The following COMMD2 variants were observed in gnomAD, a reference collection of about 807,000 sequenced individuals.
The protein encoded by COMMD2 is COMM domain-containing protein 2.
COMMD2 carries 25 observed loss-of-function variants against 22.5 expected under a neutral mutation model. That is an observed-to-expected ratio of 1.11 (90% confidence interval 0.81 to 1.55). The LOEUF is 1.55. Ranked by LOEUF, COMMD2 falls within the 40% of genes most tolerant of loss-of-function variation. The pLI is 0.00. For synonymous variants in COMMD2, 98 were observed against 91.2 expected (o/e 1.07, Z -0.42); for missense variants, 223 against 232.9 (o/e 0.96, Z 0.28).
intron 4 of COMMD2, among the ~76,000 whole-genome samples, chr3:149,746,727 G>C (rs572716521): frequency 2.0e-5 from 3 of 152,282 alleles, no homozygotes; most frequent in East Asian, 3.9e-4. Context: ...AGCTTGCAGT[G>C]AGCCGAGATT....
chr3:149,752,466 C>A lies in COMMD2; in HGVS notation c.-22G>T, dbSNP rs1716564232. The A allele has an allele frequency of 3.7e-6, 6 of 1,602,962 alleles. No individual in the cohort carries two copies. Among genetic ancestry groups the A allele is most frequent in the Non-Finnish European group, 5.1e-6 (6 of 1,173,834 alleles). ...GCATCTTCACTGTCCTACGATTTCACCCGGCAGCGCCGACCCCGCCTTCGC... is the reference window on the plus strand; with the variant it reads ...GCATCTTCACTGTCCTACGATTTCAACCGGCAGCGCCGACCCCGCCTTCGC... On this transcript the variant is annotated 5_prime_UTR_variant, in exon 1 of 5. Coordinates refer to ENST00000473414, the MANE Select transcript of COMMD2 (RefSeq NM_016094.4).
rs541037295 is a variant in COMMD2, at chr3:149,751,797, C to T, written c.146-312G>A. Reference sequence around the variant, plus strand: ...AACTCGACAGGGATTGACTTAATCCCAGAGACTGCCTCTTACCCAGGGGTA... The same window carrying T: ...AACTCGACAGGGATTGACTTAATCCTAGAGACTGCCTCTTACCCAGGGGTA... On this transcript the variant is annotated intron_variant, in intron 2 of 4. Coordinates refer to ENST00000473414, the MANE Select transcript of COMMD2 (RefSeq NM_016094.4). 4.3e-5 allele frequency: 12 copies of T among 278,550 alleles called. No individual in the cohort carries two copies. The South Asian group carries it at 9.7e-4, about 22-fold the overall frequency. The allele number at this position is 278,550 out of a possible 1,614,324, so 17.3% of individuals were successfully genotyped here. A position where few individuals can be genotyped will look rare whatever the true frequency, so the allele number is the denominator to read the frequency against.
At chr3:149,745,022 A>C (rs186913616) in intron 4 of COMMD2, among the ~76,000 whole-genome samples, 224 of 152,350 alleles carry the variant, frequency 1.5e-3, no homozygotes, top group African/African-American at 5.3e-3. Flanking sequence ...AGCCAAAAAA[A>C]GAACTGTTAA....
rs1317045604 is a variant in COMMD2, at chr3:149,739,497, A to C, written c.*2024T>G. On this transcript the variant is annotated 3_prime_UTR_variant, in exon 5 of 5. Coordinates refer to ENST00000473414, the MANE Select transcript of COMMD2 (RefSeq NM_016094.4). ...GGCCAAGGCAGGTTGATAAAAATTA[A>C]AAAAGGATTAGCACATGCTTTCTTG... 6.6e-6 allele frequency: 1 copy of C among 152,202 alleles called. No individual in the cohort carries two copies. Among genetic ancestry groups the C allele is most frequent in the African/African-American group, 2.4e-5 (1 of 41,410 alleles). 9.4% of individuals were successfully genotyped at this position (152,202 alleles called of 1,614,324 possible). A position where few individuals can be genotyped will look rare whatever the true frequency, so the allele number is the denominator to read the frequency against.
intron 4 of COMMD2, chr3:149,750,311 G>C: frequency 2.6e-6 from 1 of 384,086 alleles, no homozygotes; most frequent in South Asian, 1.9e-5. Context: ...TGCTTCTGGG[G>C]TGTGAGTCAC....
At chr3:149,742,634 T>C (rs1050245155) in intron 4 of COMMD2, among the ~76,000 whole-genome samples, 2 of 151,976 alleles carry the variant, frequency 1.3e-5, no homozygotes, top group Non-Finnish European at 2.9e-5. Context: ...TTAAAAAATA[T>C]ACAGTTTGGT....
intron 4 of COMMD2, among the ~76,000 whole-genome samples, chr3:149,743,888 T>C (rs1427623246): frequency 6.6e-6 from 1 of 152,206 alleles, no homozygotes; most frequent in Non-Finnish European, 1.5e-5. Flanking sequence ...GACTTTTTTG[T>C]TGAAAGACTT....
In COMMD2 at chr3:149,752,231, T is replaced by C; in HGVS notation, c.124A>G (p.Lys42Glu). The C allele has an allele frequency of 6.2e-7, 1 of 1,614,126 alleles. No homozygotes were observed. Among genetic ancestry groups the C allele is most frequent in the Non-Finnish European group, 8.5e-7 (1 of 1,179,986 alleles). The change falls in exon 2 of 5, where the codon AAA (lysine) becomes GAA (glutamate). Residue 42 changes from lysine to glutamate, a missense_variant. Coordinates refer to ENST00000473414, the MANE Select transcript of COMMD2 (RefSeq NM_016094.4). Reference sequence around the variant, plus strand: ...TTACTGGCGGCGCCTTCGTAGATTTTTGGGTTTGCGCCGCGTCTCAGGAAT... The same window carrying C: ...TTACTGGCGGCGCCTTCGTAGATTTCTGGGTTTGCGCCGCGTCTCAGGAAT... ...VEFLRRGANP[K>E]IYEGAARKLN...
intron 4 of COMMD2, among the ~76,000 whole-genome samples, chr3:149,745,019 AAAAG>A (rs1716328400): frequency 1.3e-5 from 2 of 152,220 alleles, no homozygotes; most frequent in African/African-American, 4.8e-5. Flanking sequence ...TAAAGCCAAA[AAAAG>A]AACTGTTAAA....
rs1286802338 is a variant in COMMD2 at position 149,741,322 on chromosome 3, T to TC, written c.*198dup. 2 of 537,488 alleles carry TC rather than the reference T, an allele frequency of 3.7e-6. No homozygotes were observed. Among genetic ancestry groups the TC allele is most frequent in the Non-Finnish European group, 6.6e-6 (2 of 302,804 alleles). 33.3% of individuals were successfully genotyped at this position (537,488 alleles called of 1,614,324 possible). On this transcript the variant is annotated 3_prime_UTR_variant, in exon 5 of 5. Transcript: ENST00000473414. ...ACCTCATGATTTGCCCACCTCGGCC[T>TC]CCCAAAGTGCTGGGATAACTGGCAT...
At chr3:149,750,058 C>T (rs1310354953) in intron 4 of COMMD2, among the ~76,000 whole-genome samples, 2 of 152,160 alleles carry the variant, frequency 1.3e-5, no homozygotes, top group African/African-American at 4.8e-5. Flanking sequence ...TCTCTCTCTG[C>T]TTAATAAAGG....
chr3:149,752,004 C>A, intron 2 of COMMD2: 1 of 516,900 alleles, frequency 1.9e-6, no homozygotes, highest in Non-Finnish European at 3.4e-6. Context: ...CATGAGAAAA[C>A]TGATTTAATA....
At chr3:149,751,794 T>C (rs1249741268) in intron 2 of COMMD2, 3 of 276,808 alleles carry the variant, frequency 1.1e-5, no homozygotes, top group Non-Finnish European at 1.3e-5. Flanking sequence ...ATTGACTTAA[T>C]CCCAGAGACT....
At position 149,739,654 on chromosome 3, in the gene COMMD2, T is replaced by G. The variant is rs1559853267; in HGVS notation, c.*1867A>C. The G allele has an allele frequency of 6.6e-6, 1 of 152,210 alleles. No individual in the cohort carries two copies. Among genetic ancestry groups the G allele is most frequent in the Non-Finnish European group, 1.5e-5 (1 of 68,030 alleles). 9.4% of individuals were successfully genotyped at this position (152,210 alleles called of 1,614,324 possible). ...ATCGAAGGTGGACAAATAAAAACCC[T>G]TACAGAGGTATTTTTTATCATATGT... is the stretch of plus-strand genomic sequence containing the variant. On this transcript the variant is annotated 3_prime_UTR_variant, in exon 5 of 5. Transcript: ENST00000473414.
In COMMD2 at chr3:149,745,508, T is replaced by C. The variant is rs565092810; in HGVS notation, c.403-3790A>G. Among the ~76,000 whole-genome samples the C allele has an allele frequency of 1.1e-4, 17 of 152,350 alleles. No homozygotes were observed. The East Asian group carries it at 3.1e-3, about 28-fold the overall frequency. ...TTAAAACACTCATCACACTTGATTA[T>C]AATTGCTGATTTCTAATTAAATTTT... On this transcript the variant is annotated intron_variant, in intron 4 of 4. Coordinates refer to ENST00000473414, the MANE Select transcript of COMMD2 (RefSeq NM_016094.4).
At position 149,741,509 on chromosome 3, in the gene COMMD2, T is replaced by C; in HGVS notation, c.*12A>G. 1 of 1,604,700 alleles carries C rather than the reference T, an allele frequency of 6.2e-7. No homozygotes were observed. The highest frequency in any genetic ancestry group is 8.5e-7 in the Non-Finnish European group (1 of 1,171,484). On this transcript the variant is annotated 3_prime_UTR_variant, in exon 5 of 5. Coordinates refer to ENST00000473414, the MANE Select transcript of COMMD2 (RefSeq NM_016094.4). ...TAAGTGATTCAAATGAATTAAAACC[T>C]TAAAACTGGTACTACTTGATGTTGC...
chr3:149,746,271 C>T (rs978610689), intron 4 of COMMD2, among the ~76,000 whole-genome samples: 19 of 151,778 alleles, frequency 1.3e-4, no homozygotes, highest in African/African-American at 4.6e-4. Flanking sequence ...CTGTGGATAC[C>T]TTTTTAAGAA....
chr3:149,751,339 G>A, intron 3 of COMMD2, 64 bp downstream of exon 3: 10 of 1,611,246 alleles, frequency 6.2e-6, no homozygotes, highest in South Asian at 5.5e-5. Context: ...GGACTATGAT[G>A]TAGAGTACAC....
rs1255681877 is a variant in COMMD2, at chr3:149,741,259, G to T, written c.*262C>A. On this transcript the variant is annotated 3_prime_UTR_variant, in exon 5 of 5. Coordinates refer to ENST00000473414, the MANE Select transcript of COMMD2 (RefSeq NM_016094.4). ...TTTTTTATATTTTTAGTAGAGATGGGGTTTCACCATGTTAGCCAGGAAGGT... is the reference window on the plus strand; with the variant it reads ...TTTTTTATATTTTTAGTAGAGATGGTGTTTCACCATGTTAGCCAGGAAGGT... 1.1e-5 allele frequency: 4 copies of T among 352,142 alleles called. No homozygotes were observed. Among genetic ancestry groups the T allele is most frequent in the Non-Finnish European group, 1.6e-5 (3 of 186,176 alleles). The allele number at this position is 352,142 out of a possible 1,614,324, so 21.8% of individuals were successfully genotyped here.
Sources: gnomAD v4.1 joint callset for allele counts (sites outside exome capture counted in the v4.1 genomes callset) on GRCh38, gnomAD v4.1.1 for gene constraint, MANE v1.5 for transcripts, NCBI Gene and HGNC (gene_info 2026-07-23, HGNC 2026-07-21) for gene names.